KIF25: variants seen among roughly 807,000 people sequenced by gnomAD.
KIF25 encodes the protein kinesin family member 25, also known as kinesin-like protein KIF25.
In KIF25, 19 loss-of-function variants were observed where a neutral mutation model predicts 32.9. The observed-to-expected ratio is 0.58, with a 90% CI of 0.40 to 0.85. KIF25 has a LOEUF of 0.85. Ranked by LOEUF, KIF25 falls within the 40% of genes least tolerant of loss-of-function variation. The pLI is 0.00. For missense variants in KIF25, 485 were observed against 507.0 expected (o/e 0.96, Z 0.42); for synonymous variants, 225 against 213.7 (o/e 1.05, Z -0.46).
At chr6:168,042,808 C>A in intron 12 of KIF25, 92 bp downstream of exon 12, 1 of 1,392,792 alleles carries the variant, frequency 7.2e-7, no homozygotes, top group Non-Finnish European at 9.7e-7. Flanking sequence ...TCGAGGGCCA[C>A]CCATGCACCC....
At chr6:168,022,743 G>GT (rs898509981) in intron 5 of KIF25, among the ~76,000 whole-genome samples, 6 of 147,418 alleles carry the variant, frequency 4.1e-5, no homozygotes, top group African/African-American at 1.5e-4. Context: ...TTGGTGAGGA[G>GT]TTTTTTTGAT....
intron 5 of KIF25, 108 bp from the exon 6 acceptor site, chr6:168,029,384 A>T: frequency 2.7e-6 from 2 of 733,578 alleles, no homozygotes; most frequent in Non-Finnish European, 2.1e-6. Context: ...TAGACAATTA[A>T]GGAAATGCGA....
rs1583146488 is a variant in KIF25, at chr6:168,040,085, A to G, written c.515A>G (p.Lys172Arg). 6.8e-6 allele frequency: 11 copies of G among 1,613,388 alleles called. No homozygotes were observed. In the East Asian group the frequency reaches 2.5e-4, roughly 36 times the overall value. The change falls in exon 10 of 13, where the codon AAA becomes AGA. Residue 172 changes from lysine to arginine, a missense_variant. Lys to Arg is a conservative substitution (Grantham distance 26, BLOSUM62 2). Transcript: ENST00000643607. ...TGTAGGGCTGTCGGCAGCGCCTCGA[A>G]ACTGATGGAGCTCGTTCATGGAGGT... ...LASEAVGSAS[K>R]LMELVHGGLQ...
intron 8 of KIF25, among the ~76,000 whole-genome samples, chr6:168,038,007 C>A (rs911171206): frequency 1.3e-5 from 2 of 152,100 alleles, no homozygotes; most frequent in Non-Finnish European, 2.9e-5. Flanking sequence ...AGCCACCGTG[C>A]CTGGCTGTGC....
chr6:168,021,023 G>A (rs565026560), intron 5 of KIF25, among the ~76,000 whole-genome samples: 5 of 152,278 alleles, frequency 3.3e-5, no homozygotes, highest in South Asian at 2.1e-4. Context: ...TATAATAGCC[G>A]AAACAACTTG....
intron 4 of KIF25, among the ~76,000 whole-genome samples, chr6:168,012,602 G>A (rs1198798793): frequency 3.3e-5 from 5 of 152,188 alleles, no homozygotes. Context: ...TGTTCCTCCG[G>A]CCAGAAGCAT....
rs75408335 is a variant in KIF25, at chr6:168,043,208, C to T, written c.985+492C>T. 4.6e-3 allele frequency among the ~76,000 whole-genome samples: 704 copies of T among 152,262 alleles called. 5 individuals carry two copies. Among genetic ancestry groups the T allele is most frequent in the African/African-American group, 0.016 (679 of 41,570 alleles). Reference sequence around the variant, plus strand: ...CAGCTGTGGCTGGATCTGGGCTTTGCGGTTTTTGGGGAGCTCAGTTAGTGC... The same window carrying T: ...CAGCTGTGGCTGGATCTGGGCTTTGTGGTTTTTGGGGAGCTCAGTTAGTGC... On this transcript the variant is annotated intron_variant, in intron 12 of 12. Coordinates refer to ENST00000643607, the MANE Select transcript of KIF25 (RefSeq NM_030615.4).
intron 5 of KIF25, among the ~76,000 whole-genome samples, chr6:168,022,569 G>C (rs1208700378): frequency 6.6e-6 from 1 of 152,104 alleles, no homozygotes; most frequent in Non-Finnish European, 1.5e-5. Context: ...AGGATTACAG[G>C]CATGACTTTA....
intron 8 of KIF25, among the ~76,000 whole-genome samples, chr6:168,037,840 C>T (rs929748313): frequency 1.3e-5 from 2 of 152,122 alleles, no homozygotes; most frequent in African/African-American, 2.4e-5. Context: ...CTCAGCCTCC[C>T]GAGTAGTTGG....
intron 4 of KIF25, among the ~76,000 whole-genome samples, chr6:168,015,052 A>G (rs971247429): frequency 6.6e-6 from 1 of 152,238 alleles, no homozygotes; most frequent in African/African-American, 2.4e-5. Flanking sequence ...CACCTGAGAC[A>G]AAATTTTTAA....
intron 5 of KIF25, among the ~76,000 whole-genome samples, chr6:168,027,010 C>G (rs559719537): frequency 6.6e-6 from 1 of 152,248 alleles, no homozygotes; most frequent in African/African-American, 2.4e-5. Context: ...TTTTTGCCAC[C>G]AAGACCTAGA....
At chr6:168,037,112 A>G (rs1396394142) in intron 8 of KIF25, among the ~76,000 whole-genome samples, 1 of 152,248 alleles carries the variant, frequency 6.6e-6, no homozygotes, top group Non-Finnish European at 1.5e-5. Context: ...TAGCTTAGCT[A>G]ACTTCATGTT....
chr6:168,024,315 C>T (rs1175766709), intron 5 of KIF25, among the ~76,000 whole-genome samples: 1 of 146,002 alleles, frequency 6.8e-6, no homozygotes, highest in Non-Finnish European at 1.5e-5. Context: ...TCGTGACACA[C>T]AGTTTTTTTT....
intron 4 of KIF25, among the ~76,000 whole-genome samples, chr6:168,009,435 T>A (rs562471496): frequency 5.6e-4 from 86 of 152,280 alleles, no homozygotes; most frequent in Non-Finnish European, 9.1e-4. Context: ...TTCATCATGG[T>A]GTATTATCTT....
At chr6:168,043,251 A>G (rs1799158454) in intron 12 of KIF25, among the ~76,000 whole-genome samples, 1 of 151,718 alleles carries the variant, frequency 6.6e-6, no homozygotes, top group South Asian at 2.1e-4. Context: ...CCCGACTCAG[A>G]CTCCAGACTG....
chr6:168,042,806 C>T, intron 12 of KIF25, 90 bp downstream of exon 12: 3 of 1,414,178 alleles, frequency 2.1e-6, no homozygotes, highest in Non-Finnish European at 2.9e-6. Flanking sequence ...CCTCGAGGGC[C>T]ACCCATGCAC....
intron 12 of KIF25, among the ~76,000 whole-genome samples, chr6:168,043,429 A>C (rs73790703): frequency 0.024 from 3,613 of 152,070 alleles, 160 homozygotes; most frequent in African/African-American, 0.083. Context: ...CCTTCCTGGG[A>C]GGGCCACCCT....
rs1208106205 is a variant in KIF25, at chr6:168,044,901, C to A, written c.1060C>A (p.Leu354Met). The A allele has an allele frequency of 7.4e-6, 12 of 1,613,218 alleles. No homozygotes were observed. The highest frequency in any genetic ancestry group is 1.0e-5 in the Non-Finnish European group (12 of 1,179,394). ...GCACCTGGCACAGACGTTGCAGGGC[C>A]TGGGTTTCGGGATCCGAGCTCGGCA... ...QRHLAQTLQG[L>M]GFGIRARQVQ... is the part of the protein sequence containing the mutation. Residue 354 changes from leucine (L) to methionine (M), a missense_variant, in exon 13 of 13, where the codon CTG becomes ATG. Physicochemically the swap from Leu to Met is conservative, Grantham distance 15. Transcript: ENST00000643607.
intron 4 of KIF25, among the ~76,000 whole-genome samples, chr6:168,005,926 C>T (rs1011273652): frequency 6.6e-6 from 1 of 152,186 alleles, no homozygotes; most frequent in East Asian, 1.9e-4. Flanking sequence ...ATCAAGTTGA[C>T]GCTCGGTATT....
Sources: allele counts gnomAD v4.1 joint callset (sites outside exome capture counted in the v4.1 genomes callset), GRCh38; gene constraint gnomAD v4.1.1; transcripts MANE v1.5; gene names NCBI Gene and HGNC (gene_info 2026-07-23, HGNC 2026-07-21).